CREB3L2: variants seen among roughly 807,000 people sequenced by gnomAD.
The protein encoded by CREB3L2 is cyclic AMP-responsive element-binding protein 3-like protein 2.
CREB3L2 carries 23 observed loss-of-function variants against 57.2 expected under a neutral mutation model. The ratio of observed to expected loss-of-function variants is 0.40; its 90% CI spans 0.29 to 0.57. The LOEUF (loss-of-function observed/expected upper bound fraction) is 0.57, where lower values mean the gene tolerates loss of function less well. Among genes scored for constraint, CREB3L2 ranks in the 20% least tolerant of loss-of-function variants. The pLI is 0.42. For missense variants in CREB3L2, 628 were observed against 634.7 expected (o/e 0.99, Z 0.11); for synonymous variants, 268 against 265.1 (o/e 1.01, Z -0.11).
In CREB3L2 at chr7:137,890,250, T is replaced by C. The variant is rs536783229; in HGVS notation, c.1044-4748A>G. Among the ~76,000 whole-genome samples the C allele has an allele frequency of 1.9e-4, 29 of 152,380 alleles. No individual in the cohort carries two copies. In the South Asian group the frequency reaches 5.2e-3, roughly 27 times the overall value. ...ATCAGGGCAAATAAATATTGTGTGGTATTTTCTCTGGATACATCAAAGATA... is the reference window on the plus strand; with the variant it reads ...ATCAGGGCAAATAAATATTGTGTGGCATTTTCTCTGGATACATCAAAGATA... On this transcript the variant is annotated intron_variant, in intron 8 of 11. Coordinates refer to ENST00000330387, the MANE Select transcript of CREB3L2 (RefSeq NM_194071.4).
chr7:137,955,906 C>T (rs1554502021), intron 1 of CREB3L2, among the ~76,000 whole-genome samples: 1 of 152,078 alleles, frequency 6.6e-6, no homozygotes, highest in Non-Finnish European at 1.5e-5. Context: ...ATAACTTACC[C>T]CAGGATGTAT....
At chr7:137,916,228 A>G (rs1379791316) in intron 2 of CREB3L2, among the ~76,000 whole-genome samples, 1 of 152,232 alleles carries the variant, frequency 6.6e-6, no homozygotes, top group Non-Finnish European at 1.5e-5. Context: ...GTATGCCTAA[A>G]GAAACTCTGG....
At chr7:137,963,910 A>G (rs1350361263) in intron 1 of CREB3L2, among the ~76,000 whole-genome samples, 2 of 152,344 alleles carry the variant, frequency 1.3e-5, no homozygotes, top group East Asian at 3.9e-4. Context: ...GAAAGAAAAA[A>G]TAGAAATGAA....
At chr7:137,947,838 G>T (rs949866404) in intron 1 of CREB3L2, among the ~76,000 whole-genome samples, 1 of 152,166 alleles carries the variant, frequency 6.6e-6, no homozygotes, top group African/African-American at 2.4e-5. Flanking sequence ...TGGCTTGGCT[G>T]GTGTCACGTC....
chr7:137,977,856 G>A (rs1471787713), intron 1 of CREB3L2, among the ~76,000 whole-genome samples: 7 of 151,904 alleles, frequency 4.6e-5, no homozygotes, highest in Non-Finnish European at 7.4e-5. Flanking sequence ...GGGAGGTGGA[G>A]GTTGCAGTGA....
chr7:137,910,678 T>C lies in CREB3L2; in HGVS notation c.584-2242A>G, dbSNP rs541781101. 4.6e-5 allele frequency among the ~76,000 whole-genome samples: 7 copies of C among 152,212 alleles called. No homozygotes were observed. In the East Asian group the frequency reaches 1.4e-3, roughly 29 times the overall value. ...CTAGAGCCACCCTGTCCCTTTCACTTGGTAGGGGCCAAATTATTCTAATAC... is the reference window on the plus strand; with the variant it reads ...CTAGAGCCACCCTGTCCCTTTCACTCGGTAGGGGCCAAATTATTCTAATAC... On this transcript the variant is annotated intron_variant, in intron 4 of 11. Transcript: ENST00000330387.
chr7:137,928,015 C>CA, intron 2 of CREB3L2, 135 bp downstream of exon 2: 1 of 747,472 alleles, frequency 1.3e-6, no homozygotes, highest in South Asian at 1.7e-5. Context: ...AGCCCAAGCA[C>CA]AAGGCCGTAC....
chr7:137,991,504 C>A (rs556649855), intron 1 of CREB3L2, among the ~76,000 whole-genome samples: 1 of 151,946 alleles, frequency 6.6e-6, no homozygotes, highest in African/African-American at 2.4e-5. Context: ...GTGGTAGGGG[C>A]ATAACACATG....
At chr7:137,885,903 G>A (rs145769215) in intron 8 of CREB3L2, among the ~76,000 whole-genome samples, 12 of 152,294 alleles carry the variant, frequency 7.9e-5, no homozygotes, top group Non-Finnish European at 1.3e-4. Flanking sequence ...TCTATGTGAC[G>A]GTATTAGGAT....
intron 1 of CREB3L2, among the ~76,000 whole-genome samples, chr7:137,935,658 A>C (rs539856998): frequency 5.6e-4 from 85 of 152,354 alleles, no homozygotes; most frequent in Non-Finnish European, 9.8e-4. Context: ...GATCGTAGAT[A>C]GTTGCTGCAT....
At chr7:137,990,511 A>G (rs1801873854) in intron 1 of CREB3L2, among the ~76,000 whole-genome samples, 1 of 152,232 alleles carries the variant, frequency 6.6e-6, no homozygotes, top group Admixed American at 6.5e-5. Context: ...TCCCCTGCCT[A>G]GAACAGGCAC....
chr7:137,972,724 TATATATATATATAGAGAGAGAG>T lies in CREB3L2; in HGVS notation c.102+28858_102+28879del, dbSNP rs1251865342. On this transcript the variant is annotated intron_variant, in intron 1 of 11. Coordinates refer to ENST00000330387, the MANE Select transcript of CREB3L2 (RefSeq NM_194071.4). The stretch of plus-strand genomic sequence containing the variant: ...AAAAAAAAAAAAAAATATATATATA[TATATATATATATAGAGAGAGAG>T]AGAGAGAGAGAGAGAGAGAGAGAGA... 2.2e-4 allele frequency among the ~76,000 whole-genome samples: 5 copies of T among 22,470 alleles called. 1 individual carries two copies. The highest frequency in any genetic ancestry group is 1.6e-3 in the African/African-American group (5 of 3,052). The allele number at this position is 22,470 out of a possible 152,430, so 14.7% of individuals were successfully genotyped here.
At chr7:137,994,425 G>A (rs145950047) in intron 1 of CREB3L2, among the ~76,000 whole-genome samples, 1 of 152,324 alleles carries the variant, frequency 6.6e-6, no homozygotes, top group East Asian at 1.9e-4. Context: ...TGGTAAGCAT[G>A]ATTACAGGCT....
chr7:137,954,762 G>A (rs1246022403), intron 1 of CREB3L2, among the ~76,000 whole-genome samples: 3 of 152,164 alleles, frequency 2.0e-5, no homozygotes, highest in Non-Finnish European at 4.4e-5. Flanking sequence ...AGGCTAGAAA[G>A]TAGGAAGACC....
intron 1 of CREB3L2, among the ~76,000 whole-genome samples, chr7:137,983,755 G>T (rs1306643340): frequency 6.6e-6 from 1 of 152,106 alleles, no homozygotes; most frequent in Non-Finnish European, 1.5e-5. Context: ...TGTTCTGTCC[G>T]CCCTACTAGG....
intron 4 of CREB3L2, among the ~76,000 whole-genome samples, chr7:137,911,481 TG>T (rs1431593318): frequency 3.3e-5 from 5 of 152,214 alleles, no homozygotes; most frequent in African/African-American, 4.8e-5. Context: ...CGGTGACAAC[TG>T]TATAAGCCAA....
chr7:137,983,324 C>T (rs983367078), intron 1 of CREB3L2, among the ~76,000 whole-genome samples: 1 of 152,128 alleles, frequency 6.6e-6, no homozygotes, highest in Non-Finnish European at 1.5e-5. Context: ...GAAGCAAGGG[C>T]AGAAATGCAA....
intron 1 of CREB3L2, among the ~76,000 whole-genome samples, chr7:137,988,989 GAAAAGAA>G (rs1801836671): frequency 1.3e-5 from 2 of 151,202 alleles, no homozygotes; most frequent in Non-Finnish European, 3.0e-5. Flanking sequence ...GGGAGGGAAG[GAAAAGAA>G]AGAAAAAAGA....
At chr7:137,916,480 C>G (rs959213075) in intron 2 of CREB3L2, among the ~76,000 whole-genome samples, 1 of 152,170 alleles carries the variant, frequency 6.6e-6, no homozygotes, top group Admixed American at 6.5e-5. Context: ...CTTTGGGATG[C>G]CAAGGCAAGA....
Sources: allele counts gnomAD v4.1 joint callset (sites outside exome capture counted in the v4.1 genomes callset), GRCh38; gene constraint gnomAD v4.1.1; transcripts MANE v1.5; gene names NCBI Gene and HGNC (gene_info 2026-07-23, HGNC 2026-07-21).